SLC30A8: variants seen among roughly 807,000 people sequenced by gnomAD.
SLC30A8 encodes solute carrier family 30 member 8.
Under a neutral mutation model 36.9 loss-of-function variants are expected in SLC30A8, and 27 were observed. The observed-to-expected ratio is 0.73, with a 90% CI of 0.54 to 1.01. The LOEUF (loss-of-function observed/expected upper bound fraction) is 1.01. SLC30A8 is among the 50% of genes least tolerant of loss of function. The pLI, the probability that SLC30A8 is intolerant of heterozygous loss-of-function variation, is 0.00. For missense variants in SLC30A8, 439 were observed against 452.0 expected, an observed-to-expected ratio of 0.97 and a Z score of 0.26; for synonymous variants, 164 against 172.4, an observed-to-expected ratio of 0.95 and a Z score of 0.38.
chr8:117,051,122 C>T (rs1817693765), intron 2 of SLC30A8, among the ~76,000 whole-genome samples: 1 of 152,060 alleles, frequency 6.6e-6, no homozygotes. Flanking sequence ...GAAAAAGTGG[C>T]CTAGGATTTC....
intron 2 of SLC30A8, chr8:117,128,432 T>C (rs1355195376): frequency 6.8e-6 from 1 of 148,092 alleles, no homozygotes; most frequent in Non-Finnish European, 1.5e-5. Context: ...TGTGTGTGTG[T>C]GCTTGTGTGT....
At position 117,153,107 on chromosome 8, in the gene SLC30A8, G is replaced by A. The variant is rs772900450; in HGVS notation, c.418+17G>A. Reference sequence around the variant, plus strand: ...ACCGAGCAGGTACGGTTCATAGAGTGAGCAATAACAGCAGGCTGGTGCTGC... The same window carrying A: ...ACCGAGCAGGTACGGTTCATAGAGTAAGCAATAACAGCAGGCTGGTGCTGC... On this transcript the variant is annotated intron_variant, in intron 3 of 7. Coordinates refer to ENST00000456015, the MANE Select transcript of SLC30A8 (RefSeq NM_173851.3). 6.5e-7 allele frequency: 1 copy of A among 1,550,110 alleles called. No individual in the cohort carries two copies. The highest frequency in any genetic ancestry group is 8.8e-7 in the Non-Finnish European group (1 of 1,139,920).
At chr8:116,963,412 C>A (rs962843814) in intron 1 of SLC30A8, among the ~76,000 whole-genome samples, 1 of 151,964 alleles carries the variant, frequency 6.6e-6, no homozygotes, top group Non-Finnish European at 1.5e-5. Flanking sequence ...CCAAATGAAA[C>A]GCTGTATCCA....
chr8:117,014,159 A>G (rs1486722024), intron 1 of SLC30A8, among the ~76,000 whole-genome samples: 1 of 152,216 alleles, frequency 6.6e-6, no homozygotes, highest in Non-Finnish European at 1.5e-5. Flanking sequence ...ATGAATGCTG[A>G]AGATGAGGGG....
At chr8:117,093,279 G>A (rs1222107465) in intron 2 of SLC30A8, among the ~76,000 whole-genome samples, 2 of 151,684 alleles carry the variant, frequency 1.3e-5, no homozygotes, top group African/African-American at 2.4e-5. Flanking sequence ...TTTCAGCAAC[G>A]TTTAAAAAAA....
intron 1 of SLC30A8, among the ~76,000 whole-genome samples, chr8:116,998,835 C>T (rs964012930): frequency 3.3e-5 from 5 of 152,172 alleles, no homozygotes; most frequent in African/African-American, 1.2e-4. Context: ...AAGATTCTTA[C>T]CTAATACCTT....
At chr8:117,095,551 T>C (rs1448329282) in intron 2 of SLC30A8, among the ~76,000 whole-genome samples, 3 of 152,182 alleles carry the variant, frequency 2.0e-5, no homozygotes, top group Non-Finnish European at 4.4e-5. Flanking sequence ...TCTGCTTTGC[T>C]CATCTCCCAA....
chr8:117,087,218 AAC>A (rs1255935632), intron 2 of SLC30A8, among the ~76,000 whole-genome samples: 1 of 152,174 alleles, frequency 6.6e-6, no homozygotes, highest in African/African-American at 2.4e-5. Context: ...ATAGAAAGTC[AAC>A]AGTGGTAATT....
chr8:117,048,935 A>G (rs1026336388), intron 2 of SLC30A8, among the ~76,000 whole-genome samples: 3 of 152,214 alleles, frequency 2.0e-5, no homozygotes, highest in South Asian at 4.1e-4. Flanking sequence ...TTGATTTACA[A>G]AGTGCTGTCT....
At chr8:116,994,649 T>C (rs556853977) in intron 1 of SLC30A8, among the ~76,000 whole-genome samples, 2 of 152,214 alleles carry the variant, frequency 1.3e-5, no homozygotes, top group South Asian at 2.1e-4. Flanking sequence ...GGACTTCCAG[T>C]CCTGGTAATA....
rs967699689 is a variant in SLC30A8 at position 117,122,098 on chromosome 8, T to C, written c.-225-13182T>C. Among the ~76,000 whole-genome samples the C allele has an allele frequency of 2.0e-5, 3 of 151,952 alleles. No individual in the cohort carries two copies. In the East Asian group the frequency reaches 5.8e-4, roughly 29 times the overall value. Reference sequence around the variant, plus strand: ...GCCCTTTTTATGTCATATTGCTTTATTGGGTGTTTATACTTAAGCTAATTA... The same window carrying C: ...GCCCTTTTTATGTCATATTGCTTTACTGGGTGTTTATACTTAAGCTAATTA... On this transcript the variant is annotated intron_variant, in intron 2 of 10. Transcript: ENST00000427715.
intron 1 of SLC30A8, among the ~76,000 whole-genome samples, chr8:116,974,274 T>G (rs1206642004): frequency 1.3e-4 from 20 of 152,132 alleles, no homozygotes; most frequent in Middle Eastern, 6.8e-3. Context: ...GGGAGAAAAT[T>G]TTCACAATCT....
intron 1 of SLC30A8, chr8:116,951,135 C>T (rs2130567104): frequency 6.6e-6 from 1 of 152,276 alleles, no homozygotes; most frequent in Non-Finnish European, 1.5e-5. Flanking sequence ...TCATTGATGT[C>T]TCTGGGCTTC....
intron 1 of SLC30A8, among the ~76,000 whole-genome samples, chr8:117,031,427 A>ATTC (rs914165929): frequency 2.0e-5 from 3 of 151,546 alleles, no homozygotes; most frequent in Admixed American, 6.6e-5. Context: ...AAAGTCTTGA[A>ATTC]TTCTTCTTCT....
intron 1 of SLC30A8, among the ~76,000 whole-genome samples, chr8:116,978,253 T>G (rs1815121611): frequency 6.6e-6 from 1 of 152,180 alleles, no homozygotes. Context: ...GTGTTTGATA[T>G]TATTATTAAT....
chr8:117,154,619 AAG>A (rs950440039), intron 3 of SLC30A8, among the ~76,000 whole-genome samples: 13 of 152,334 alleles, frequency 8.5e-5, no homozygotes, highest in African/African-American at 2.6e-4. Context: ...AACAGCAGTA[AAG>A]AGAGTTTGTG....
chr8:117,012,722 T>TACACACACAC (rs1491474446), intron 1 of SLC30A8, among the ~76,000 whole-genome samples: 2 of 42,498 alleles, frequency 4.7e-5, no homozygotes, highest in East Asian at 7.1e-4. Flanking sequence ...TAGACATATG[T>TACACACACAC]ATACACACAC....
intron 1 of SLC30A8, among the ~76,000 whole-genome samples, chr8:117,146,146 A>G (rs1821886048): frequency 6.6e-6 from 1 of 152,200 alleles, no homozygotes; most frequent in Non-Finnish European, 1.5e-5. Context: ...TAAAGAAGAG[A>G]GAAATATTTA....
intron 1 of SLC30A8, among the ~76,000 whole-genome samples, chr8:117,020,353 AAAC>A (rs1404774655): frequency 6.6e-6 from 1 of 152,238 alleles, no homozygotes; most frequent in Non-Finnish European, 1.5e-5. Flanking sequence ...TGAAATTGGC[AAAC>A]ATTGAAATTA....
Sources: allele counts gnomAD v4.1 joint callset (sites outside exome capture counted in the v4.1 genomes callset), GRCh38; gene constraint gnomAD v4.1.1; transcripts MANE v1.5; gene names NCBI Gene and HGNC (gene_info 2026-07-23, HGNC 2026-07-21).